Variants in FAM149A observed in about 807,000 individuals in gnomAD.
FAM149A encodes family with sequence similarity 149 member A, also known as protein FAM149A.
FAM149A carries 71 observed loss-of-function variants against 78.2 expected under a neutral mutation model. That is an observed-to-expected ratio of 0.91 (90% CI 0.75 to 1.11). FAM149A has a LOEUF of 1.11. Among genes scored for constraint, FAM149A ranks in the 50% least tolerant of loss-of-function variants. The pLI, the probability that FAM149A is intolerant of heterozygous loss-of-function variation, is 0.00. For synonymous variants in FAM149A, 446 were observed against 410.5 expected, an observed-to-expected ratio of 1.09 and a Z score of -1.04; for missense variants, 1,036 against 971.0, an observed-to-expected ratio of 1.07 and a Z score of -0.89.
chr4:186,150,953 G>T, intron 3 of FAM149A: 1 of 794,300 alleles, frequency 1.3e-6, no homozygotes, highest in Non-Finnish European at 1.5e-6. Context: ...AACTCCTGAC[G>T]TTGTGATCCG....
At chr4:186,168,824 A>G (rs1735285876) in intron 13 of FAM149A, among the ~76,000 whole-genome samples, 1 of 152,174 alleles carries the variant, frequency 6.6e-6, no homozygotes, top group Non-Finnish European at 1.5e-5. Context: ...AGGAGCATTG[A>G]GCCTGGCAGG....
chr4:186,126,600 C>T (rs1379609136), intron 1 of FAM149A, among the ~76,000 whole-genome samples: 2 of 152,136 alleles, frequency 1.3e-5, no homozygotes, highest in Non-Finnish European at 1.5e-5. Flanking sequence ...GTGTTTGGGT[C>T]TTTAGACTCC....
At chr4:186,155,973 G>A in intron 6 of FAM149A, 27 bp from the exon 7 acceptor site, 1 of 1,593,068 alleles carries the variant, frequency 6.3e-7, no homozygotes, top group Non-Finnish European at 8.6e-7. Context: ...TGATCTTTTA[G>A]TAATTGGAGT....
At chr4:186,157,868 C>T (rs1734188155) in intron 8 of FAM149A, 149 bp downstream of exon 8, 2 of 1,542,426 alleles carry the variant, frequency 1.3e-6, no homozygotes, top group Non-Finnish European at 1.7e-6. Context: ...TCCATGGTAA[C>T]TTAAAGGGAA....
chr4:186,158,005 A>G (rs770583692), intron 8 of FAM149A: 16 of 1,474,772 alleles, frequency 1.1e-5, no homozygotes, highest in Admixed American at 6.1e-5. Context: ...ATGGAGCAGT[A>G]TATCCACAAA....
chr4:186,130,293 C>CTCTCTCTCTCTCTCTCTCTCTATATATA, intron 1 of FAM149A: 21 of 46,584 alleles, frequency 4.5e-4, no homozygotes, highest in South Asian at 1.1e-3. Context: ...CTCTCTCTCT[C>CTCTCTCTCTCTCTCTCTCTCTATATATA]TATATATATA....
intron 1 of FAM149A, chr4:186,107,373 TAAC>T (rs1453779788): frequency 2.0e-5 from 3 of 152,254 alleles, no homozygotes; most frequent in African/African-American, 7.2e-5. Flanking sequence ...TATTCTGAAT[TAAC>T]AAATGCATTC....
Position 186,169,405 on chromosome 4 carries a change from C to T in FAM149A, c.2218+2143C>T, listed in dbSNP as rs189007065. 224 of 985,422 alleles carry T rather than the reference C, an allele frequency of 2.3e-4. 2 individuals carry two copies. In the African/African-American group the frequency reaches 3.6e-3, roughly 16 times the overall value. 61.0% of individuals were successfully genotyped at this position (985,422 alleles called of 1,614,324 possible). On this transcript the variant is annotated intron_variant, in intron 13 of 13. Coordinates refer to ENST00000389354, the MANE Select transcript of FAM149A (RefSeq NM_001367768.3). ...GGCGCGTGCCCCATGCAGACGTCCC[C>T]AGGCCCCAGGTGAGGCACATGTGGC... is the stretch of plus-strand genomic sequence containing the variant.
Position 186,144,936 on chromosome 4 carries a change from CGCGGGCGCGGGCGCG to C in FAM149A, c.567-4235_567-4221del. 6 of 242,158 alleles carry C rather than the reference CGCGGGCGCGGGCGCG, an allele frequency of 2.5e-5. No individual in the cohort carries two copies. The highest frequency in any genetic ancestry group is 2.8e-5 in the Non-Finnish European group (6 of 214,016). The allele number at this position is 242,158 out of a possible 1,614,324, so 15.0% of individuals were successfully genotyped here. ...GGGCCAGCCGCGCGGCGGGCGCGGGCGCGGGCGCGGGCGCGGGCGCGGGCGGGTGGGGAGCCCCAG... is the reference window on the plus strand; with the variant it reads ...GGGCCAGCCGCGCGGCGGGCGCGGGCGGCGCGGGCGGGTGGGGAGCCCCAG... On this transcript the variant is annotated intron_variant, in intron 1 of 13. Transcript: ENST00000389354. This position sits in a 1 kb window ranked among gnomAD's most constrained non-coding sequence, Gnocchi z 4.2.
intron 13 of FAM149A, chr4:186,169,524 T>G: frequency 1.0e-6 from 1 of 985,362 alleles, no homozygotes; most frequent in East Asian, 1.1e-4. Flanking sequence ...TCTTTCCTCC[T>G]GAGCACTCTG....
chr4:186,150,166 G>T (rs1226247445), intron 3 of FAM149A, among the ~76,000 whole-genome samples: 16 of 152,062 alleles, frequency 1.1e-4, no homozygotes, highest in Non-Finnish European at 1.5e-5. Context: ...TTTTGTCTGT[G>T]TGAGCCTGGG....
intron 3 of FAM149A, 34 bp downstream of exon 3, chr4:186,149,738 T>C (rs1430175468): frequency 8.1e-7 from 1 of 1,238,936 alleles, no homozygotes; most frequent in Non-Finnish European, 1.0e-6. Flanking sequence ...AATCTTGTAA[T>C]TACAGTTTAT....
chr4:186,122,361 C>T (rs1322116807), intron 1 of FAM149A, among the ~76,000 whole-genome samples: 1 of 152,110 alleles, frequency 6.6e-6, no homozygotes, highest in African/African-American at 2.4e-5. Flanking sequence ...ATAGAAGACA[C>T]TTGGGGAAAT....
chr4:186,157,641 C>T lies in FAM149A; in HGVS notation c.1497C>T (p.Ala499=), dbSNP rs201519956. Residue 499 remains alanine, a synonymous_variant, in exon 8 of 14, where the codon GCC becomes GCT. Coordinates refer to ENST00000389354, the MANE Select transcript of FAM149A (RefSeq NM_001367768.3). ...ACGTCCTCGTTCCACACGCTCACGC[C>T]GATGGAGCCAGTGGCCCCCCGTCCG... is the stretch of plus-strand genomic sequence containing the variant. The T allele has an allele frequency of 6.2e-6, 10 of 1,614,074 alleles. No individual in the cohort carries two copies. The highest frequency in any genetic ancestry group is 2.2e-5 in the East Asian group (1 of 44,876).
chr4:186,151,890 C>A lies in FAM149A; in HGVS notation c.790-13C>A. 1 of 1,613,436 alleles carries A rather than the reference C, an allele frequency of 6.2e-7. No homozygotes were observed. ...ACTTGCAGTGTTGTAACCAAGTGTG[C>A]ATTTCTGTTTAGGAATTTGACGAAG... On this transcript the variant is annotated splice_polypyrimidine_tract_variant and intron_variant, in intron 3 of 13. Transcript: ENST00000389354.
intron 7 of FAM149A, among the ~76,000 whole-genome samples, chr4:186,156,921 A>ATGATCGTGCCGCT (rs1734077787): frequency 6.6e-6 from 1 of 151,824 alleles, no homozygotes; most frequent in African/African-American, 2.4e-5. Flanking sequence ...ATTGAAAGTG[A>ATGATCGTGCCGCT]GCACTCCATC....
intron 13 of FAM149A, chr4:186,169,164 A>C: frequency 1.0e-6 from 1 of 982,748 alleles, no homozygotes; most frequent in Non-Finnish European, 1.2e-6. Flanking sequence ...TTAATCATTG[A>C]CCAAATGCCA....
intron 10 of FAM149A, 56 bp downstream of exon 10, chr4:186,163,689 T>C: frequency 7.8e-7 from 1 of 1,287,534 alleles, no homozygotes; most frequent in Non-Finnish European, 1.1e-6. Context: ...TAGATGCTTC[T>C]CAGTTAGGGT....
chr4:186,157,644 T>A lies in FAM149A; in HGVS notation c.1500T>A (p.Asp500Glu). 6.2e-7 allele frequency: 1 copy of A among 1,614,146 alleles called. No homozygotes were observed. Among genetic ancestry groups the A allele is most frequent in the Non-Finnish European group, 8.5e-7 (1 of 1,179,974 alleles). Residue 500 changes from aspartate to glutamate, a missense_variant, in exon 8 of 14, where the codon GAT (aspartate) becomes GAA (glutamate). By Grantham distance (45) the Asp-to-Glu change is conservative (BLOSUM62 2). Transcript: ENST00000389354. ...TCCTCGTTCCACACGCTCACGCCGA[T>A]GGAGCCAGTGGCCCCCCGTCCGGAC...
Sources: gnomAD v4.1 joint callset for allele counts (sites outside exome capture counted in the v4.1 genomes callset) on GRCh38, gnomAD v4.1.1 for gene constraint, Gnocchi (gnomAD v3.1) non-coding constraint, MANE v1.5 for transcripts, NCBI Gene and HGNC (gene_info 2026-07-23, HGNC 2026-07-21) for gene names.